Variants in FSTL4 observed in about 807,000 individuals in gnomAD.
FSTL4 encodes the protein follistatin-related protein 4.
A neutral mutation model predicts 78.2 loss-of-function variants in FSTL4; 28 were observed. The observed-to-expected ratio is 0.36, with a 90% confidence interval of 0.27 to 0.49. FSTL4 has a LOEUF of 0.49. FSTL4 is among the 20% of genes least tolerant of loss of function. The pLI is 0.98. For synonymous variants in FSTL4, 422 were observed against 440.5 expected, an observed-to-expected ratio of 0.96 and a Z score of 0.53; for missense variants, 922 against 1,084.9, an observed-to-expected ratio of 0.85 and a Z score of 2.11.
chr5:133,600,425 G>T (rs535487313), intron 2 of FSTL4, among the ~76,000 whole-genome samples: 1 of 151,668 alleles, frequency 6.6e-6, no homozygotes, highest in East Asian at 1.9e-4. Flanking sequence ...GGATAAAGGG[G>T]GGGGGGATAT....
At chr5:133,756,209 C>T in the FSTL4 span, among the ~76,000 whole-genome samples, 1 of 152,018 alleles carries the variant, frequency 6.6e-6, no homozygotes, top group Non-Finnish European at 1.5e-5. Flanking sequence ...CAAGGCATTT[C>T]GGGCAGGAGG....
chr5:133,744,598 C>T, the FSTL4 span, among the ~76,000 whole-genome samples: 1 of 152,216 alleles, frequency 6.6e-6, no homozygotes, highest in African/African-American at 2.4e-5. Flanking sequence ...AAAGCTCTGT[C>T]TGCTCACCCT....
intron 2 of FSTL4, among the ~76,000 whole-genome samples, chr5:133,576,775 T>C (rs944730022): frequency 6.6e-6 from 1 of 152,250 alleles, no homozygotes; most frequent in African/African-American, 2.4e-5. Flanking sequence ...GATGGAAGCT[T>C]TGCCATGGGA....
chr5:133,237,033 G>A (rs1751683596), intron 7 of FSTL4, among the ~76,000 whole-genome samples: 1 of 152,166 alleles, frequency 6.6e-6, no homozygotes, highest in Non-Finnish European at 1.5e-5. Flanking sequence ...ACAGGGCACC[G>A]AGCTAGGCTT....
the FSTL4 span, among the ~76,000 whole-genome samples, chr5:133,732,539 T>C: frequency 6.6e-6 from 1 of 152,118 alleles, no homozygotes; most frequent in Non-Finnish European, 1.5e-5. Flanking sequence ...GTCAGCAGGT[T>C]TCGTCTCCCC....
chr5:133,474,272 TCACGTCCTCCACG>T (rs1202183773), intron 3 of FSTL4, among the ~76,000 whole-genome samples: 1 of 152,020 alleles, frequency 6.6e-6, no homozygotes, highest in Non-Finnish European at 1.5e-5. Context: ...CCCTCTCTCA[TCACGTCCTCCACG>T]CATGCTGCCC....
intron 4 of FSTL4, among the ~76,000 whole-genome samples, chr5:133,322,287 A>C (rs1460402263): frequency 2.6e-5 from 1 of 37,928 alleles, no homozygotes; most frequent in Non-Finnish European, 8.0e-5. Context: ...CCACACACAC[A>C]CACACCCCCA....
chr5:133,323,851 C>T (rs916147921), intron 4 of FSTL4, among the ~76,000 whole-genome samples: 1 of 152,238 alleles, frequency 6.6e-6, no homozygotes, highest in Non-Finnish European at 1.5e-5. Context: ...TTATCAAGCC[C>T]GTTCTCCATG....
the FSTL4 span, among the ~76,000 whole-genome samples, chr5:133,752,778 G>A: frequency 2.6e-5 from 4 of 152,098 alleles, no homozygotes; most frequent in African/African-American, 4.8e-5. Flanking sequence ...GGGGGGTCAA[G>A]GGTCAGTGCT....
chr5:133,530,178 G>A (rs967066520), intron 3 of FSTL4, among the ~76,000 whole-genome samples: 2 of 152,170 alleles, frequency 1.3e-5, no homozygotes, highest in Admixed American at 6.5e-5. Flanking sequence ...CTGTAAAACC[G>A]ACGGTGGGAA....
chr5:133,369,478 G>A (rs1413119102), intron 4 of FSTL4, among the ~76,000 whole-genome samples: 1 of 152,066 alleles, frequency 6.6e-6, no homozygotes, highest in African/African-American at 2.4e-5. Context: ...AAACAGTAAG[G>A]CCAATCCCCT....
chr5:133,592,672 T>A (rs1760656755), intron 2 of FSTL4, among the ~76,000 whole-genome samples: 1 of 152,082 alleles, frequency 6.6e-6, no homozygotes, highest in Admixed American at 6.6e-5. Context: ...CTTGCAGCAA[T>A]GAGTGAGTCC....
chr5:133,758,253 T>C, the FSTL4 span, among the ~76,000 whole-genome samples: 1 of 152,124 alleles, frequency 6.6e-6, no homozygotes, highest in East Asian at 1.9e-4. Context: ...ACTAGGAAGG[T>C]TGAGAATAGA....
chr5:133,708,337 TCTC>T, the FSTL4 span, among the ~76,000 whole-genome samples: 4 of 152,226 alleles, frequency 2.6e-5, no homozygotes, highest in Admixed American at 2.6e-4. Context: ...GCCCTTTTCA[TCTC>T]CTCCAGGACC....
At chr5:133,354,594 T>G (rs1166418964) in intron 4 of FSTL4, among the ~76,000 whole-genome samples, 1 of 152,186 alleles carries the variant, frequency 6.6e-6, no homozygotes, top group Non-Finnish European at 1.5e-5. Context: ...AAGCTCCTTG[T>G]GAACAGAGTT....
At chr5:133,699,395 C>A in the FSTL4 span, among the ~76,000 whole-genome samples, 1 of 152,108 alleles carries the variant, frequency 6.6e-6, no homozygotes, top group Non-Finnish European at 1.5e-5. Flanking sequence ...GAGGAAACTC[C>A]ACCTGCTCAG....
chr5:133,642,190 A>G, the FSTL4 span, among the ~76,000 whole-genome samples: 1 of 152,214 alleles, frequency 6.6e-6, no homozygotes, highest in South Asian at 2.1e-4. Context: ...TGGCAAGAAT[A>G]GTGCTTGAAA....
the FSTL4 span, among the ~76,000 whole-genome samples, chr5:133,640,924 C>T: frequency 6.6e-6 from 1 of 152,198 alleles, no homozygotes; most frequent in Non-Finnish European, 1.5e-5. Context: ...AATCAGTTAC[C>T]TTACACAAAT....
the FSTL4 span, among the ~76,000 whole-genome samples, chr5:133,798,241 C>T: frequency 6.6e-6 from 1 of 152,162 alleles, no homozygotes; most frequent in African/African-American, 2.4e-5. Context: ...AATTTTAAAT[C>T]ATACATTTTG....
Sources: allele counts gnomAD v4.1 joint callset (sites outside exome capture counted in the v4.1 genomes callset), GRCh38; gene constraint gnomAD v4.1.1; transcripts MANE v1.5; gene names NCBI Gene and HGNC (gene_info 2026-07-23, HGNC 2026-07-21).